RSPO2: variants seen among roughly 807,000 people sequenced by gnomAD.
RSPO2 encodes the protein R-spondin-2.
A neutral mutation model predicts 30.9 loss-of-function variants in RSPO2; 14 were observed. The ratio of observed to expected loss-of-function variants is 0.45; its 90% CI spans 0.30 to 0.71. The LOEUF is 0.71. Among genes scored for constraint, RSPO2 ranks in the 30% least tolerant of loss-of-function variants. The pLI, the probability that RSPO2 is intolerant of heterozygous loss-of-function variation, is 0.08. For missense variants in RSPO2, 264 were observed against 301.9 expected (o/e 0.87, Z 0.93); for synonymous variants, 107 against 96.4 (o/e 1.11, Z -0.64).
chr8:107,934,358 T>C (rs1033609659), intron 5 of RSPO2, among the ~76,000 whole-genome samples: 9 of 140,640 alleles, frequency 6.4e-5, no homozygotes, highest in African/African-American at 2.1e-4. Flanking sequence ...ATACAAAGCA[T>C]CTTCTCATTT....
At chr8:107,905,830 G>C (rs1221799603) in intron 5 of RSPO2, among the ~76,000 whole-genome samples, 25 of 151,786 alleles carry the variant, frequency 1.6e-4, no homozygotes, top group African/African-American at 6.0e-4. Flanking sequence ...GTAGCAAGAG[G>C]TATTTATTTA....
intron 5 of RSPO2, among the ~76,000 whole-genome samples, chr8:107,917,796 GTC>G (rs1267065972): frequency 1.3e-5 from 2 of 152,178 alleles, no homozygotes; most frequent in Non-Finnish European, 2.9e-5. Flanking sequence ...CTTAGTGTAT[GTC>G]ATTAATAGTT....
chr8:108,003,933 T>C (rs1169508823), intron 2 of RSPO2, among the ~76,000 whole-genome samples: 1 of 152,192 alleles, frequency 6.6e-6, no homozygotes, highest in Non-Finnish European at 1.5e-5. Flanking sequence ...AGAAATGCAT[T>C]ATACCATAAT....
intron 5 of RSPO2, among the ~76,000 whole-genome samples, chr8:107,912,866 CA>C (rs1423450310): frequency 6.6e-6 from 1 of 152,084 alleles, no homozygotes; most frequent in Non-Finnish European, 1.5e-5. Context: ...GAGTTTCTTC[CA>C]AATTATTAAA....
Position 107,958,082 on chromosome 8 carries a change from C to A in RSPO2, c.614G>T (p.Gly205Val). The A allele has an allele frequency of 6.2e-7, 1 of 1,610,802 alleles. No homozygotes were observed. The highest frequency in any genetic ancestry group is 8.5e-7 in the Non-Finnish European group (1 of 1,177,170). ...RCKMTMRHCP[G>V]GKRTPKAKEK... ...GTAGTGATTATATCCACACCTACCT[C>A]CTGGACAATGCCTCATTGTCATCTT... The change falls in exon 5 of 6, where the codon GGA (glycine) becomes GTA (valine). Residue 205 changes from glycine (G) to valine (V), a missense_variant and splice_region_variant. Gly to Val is a moderately radical substitution (Grantham distance 109). Transcript: ENST00000276659.
intron 2 of RSPO2, among the ~76,000 whole-genome samples, chr8:108,003,243 ATGTATGTATGTGTG>A (rs1425102350): frequency 5.1e-4 from 28 of 54,396 alleles, no homozygotes; most frequent in African/African-American, 3.0e-3. Context: ...GTATATATGT[ATGTATGTATGTGTG>A]TGTGTGTGTG....
At chr8:107,987,558 G>A (rs762776977) in intron 3 of RSPO2, among the ~76,000 whole-genome samples, 9 of 152,202 alleles carry the variant, frequency 5.9e-5, no homozygotes, top group Non-Finnish European at 1.2e-4. Flanking sequence ...GCTTATAACA[G>A]TAGTGAAGAC....
intron 2 of RSPO2, among the ~76,000 whole-genome samples, chr8:108,073,654 T>C (rs1001813332): frequency 1.3e-5 from 2 of 152,240 alleles, no homozygotes; most frequent in African/African-American, 4.8e-5. Flanking sequence ...TTAGATCACA[T>C]GAGAAGTTTT....
rs530153814 is a variant in RSPO2, at chr8:108,055,103, A to G, written c.94+27442T>C. Among the ~76,000 whole-genome samples the G allele has an allele frequency of 4.6e-5, 7 of 152,260 alleles. 1 individual carries two copies. In the Middle Eastern group the frequency reaches 0.014, roughly 296 times the overall value. On this transcript the variant is annotated intron_variant, in intron 2 of 5. Coordinates refer to ENST00000276659, the MANE Select transcript of RSPO2 (RefSeq NM_178565.5). ...ACCACTGCACTCCAGCCTGGGTGAC[A>G]GAGCAAGACCTTGTATCAAAAGAAA...
intron 2 of RSPO2, among the ~76,000 whole-genome samples, chr8:108,081,453 A>T (rs775693198): frequency 3.9e-5 from 6 of 152,240 alleles, no homozygotes; most frequent in Non-Finnish European, 7.3e-5. Flanking sequence ...TAATTGCGCA[A>T]AAGTCCAAAG....
intron 3 of RSPO2, among the ~76,000 whole-genome samples, chr8:107,971,615 T>C (rs1245045624): frequency 6.6e-6 from 1 of 152,214 alleles, no homozygotes; most frequent in African/African-American, 2.4e-5. Flanking sequence ...ATCCCTGATC[T>C]GGCCTACTGA....
At chr8:107,997,004 C>CT in intron 2 of RSPO2, 1 of 416,800 alleles carries the variant, frequency 2.4e-6, no homozygotes, top group Non-Finnish European at 4.7e-6. Context: ...CCTGAGTACT[C>CT]TCTCCCCACT....
intron 2 of RSPO2, among the ~76,000 whole-genome samples, chr8:108,065,526 G>T (rs1053389536): frequency 6.6e-6 from 1 of 151,764 alleles, no homozygotes; most frequent in African/African-American, 2.4e-5. Context: ...ACATATTATG[G>T]GTATCTTTCA....
chr8:107,915,752 T>C (rs1363576225), intron 5 of RSPO2, among the ~76,000 whole-genome samples: 1 of 152,154 alleles, frequency 6.6e-6, no homozygotes, highest in East Asian at 1.9e-4. Context: ...TATCCACTCT[T>C]CGCAGGTGAC....
intron 5 of RSPO2, among the ~76,000 whole-genome samples, chr8:107,908,707 G>A (rs1203093803): frequency 6.6e-6 from 1 of 152,112 alleles, no homozygotes; most frequent in Non-Finnish European, 1.5e-5. Flanking sequence ...CAAGACCCAA[G>A]TACTGCACAA....
rs202185418 is a variant in RSPO2, at chr8:108,082,639, C to T, written c.-1G>A. On this transcript the variant is annotated 5_prime_UTR_variant, in exon 2 of 6. Transcript: ENST00000276659. Reference sequence around the variant, plus strand: ...CAAAGGAGAAAAGGCGAAACTGCATCTGGGCGGTCGGGCGGGGGAGAGACG... The same window carrying T: ...CAAAGGAGAAAAGGCGAAACTGCATTTGGGCGGTCGGGCGGGGGAGAGACG... The T allele has an allele frequency of 2.5e-6, 4 of 1,613,582 alleles. No individual in the cohort carries two copies. Among genetic ancestry groups the T allele is most frequent in the Non-Finnish European group, 3.4e-6 (4 of 1,179,726 alleles).
intron 2 of RSPO2, among the ~76,000 whole-genome samples, chr8:107,997,574 C>T (rs1251355731): frequency 1.3e-5 from 2 of 152,054 alleles, no homozygotes; most frequent in African/African-American, 4.8e-5. Context: ...TAGCACAAAC[C>T]CACACATATC....
In RSPO2 at chr8:108,030,390, T is replaced by A. The variant is rs147487795; in HGVS notation, c.95-41146A>T. The stretch of plus-strand genomic sequence containing the variant: ...ACATTTCAGAAGCTAGACTCTGGTC[T>A]TGCCTGCCTGGTATCTGTAATGTAT... On this transcript the variant is annotated intron_variant, in intron 2 of 5. Transcript: ENST00000276659. Among the ~76,000 whole-genome samples, 592 of 152,316 alleles carry A rather than the reference T, an allele frequency of 3.9e-3. 5 individuals are homozygous for A. Among genetic ancestry groups the A allele is most frequent in the African/African-American group, 0.014 (570 of 41,576 alleles).
intron 3 of RSPO2, among the ~76,000 whole-genome samples, chr8:107,970,038 C>G (rs1239935983): frequency 3.3e-5 from 5 of 152,090 alleles, no homozygotes; most frequent in African/African-American, 1.2e-4. Context: ...CCAAGGAAAA[C>G]AAGAAGAATA....
Sources: allele counts gnomAD v4.1 joint callset (sites outside exome capture counted in the v4.1 genomes callset), GRCh38; gene constraint gnomAD v4.1.1; transcripts MANE v1.5; gene names NCBI Gene and HGNC (gene_info 2026-07-23, HGNC 2026-07-21).